DNAH9: variants seen among roughly 807,000 people sequenced by gnomAD.
DNAH9 encodes the protein DNAH9 variant protein.
DNAH9 carries 345 observed loss-of-function variants against 471.6 expected under a neutral mutation model. The observed-to-expected ratio is 0.73, with a 90% CI of 0.67 to 0.80. The LOEUF is 0.80. DNAH9 is among the 30% of genes least tolerant of loss of function. DNAH9 has a pLI of 0.00. For synonymous variants in DNAH9, 2,093 were observed against 2,123.6 expected (o/e 0.99, Z 0.40); for missense variants, 5,407 against 5,609.2 (o/e 0.96, Z 1.15).
In DNAH9 at chr17:11,793,584, T is replaced by G; in HGVS notation, c.8143T>G (p.Tyr2715Asp). 1 of 1,613,972 alleles carries G rather than the reference T, an allele frequency of 6.2e-7. No homozygotes were observed. The highest frequency in any genetic ancestry group is 1.1e-5 in the South Asian group (1 of 91,066). The change falls in exon 42 of 69, where the codon TAT becomes GAT. Residue 2715 changes from tyrosine to aspartate, a missense_variant. By Grantham distance (160) the Tyr-to-Asp change is radical (BLOSUM62 -3). Around this residue, in one of 3 missense-constraint regions of DNAH9, gnomAD observed 4,636 missense variants for 4,900.3 expected, o/e 0.95. Coordinates refer to ENST00000262442, the MANE Select transcript of DNAH9 (RefSeq NM_001372.4). The part of the protein sequence containing the change: ...RLYLHESNRV[Y>D]RDKMVEEKDF... ...CTATCTGCATGAATCAAATCGAGTT[T>G]ATCGGGATAAGATGGTAGAAGAAAA...
intron 67 of DNAH9, among the ~76,000 whole-genome samples, 174 bp downstream of exon 67, chr17:11,942,659 C>T (rs1233586569): frequency 6.6e-6 from 1 of 152,170 alleles, no homozygotes; most frequent in Non-Finnish European, 1.5e-5. Context: ...ATGAGGTTGT[C>T]TACAAGAACC....
chr17:11,611,924 C>A (rs1004570706), intron 4 of DNAH9, 144 bp downstream of exon 4: 2 of 761,718 alleles, frequency 2.6e-6, no homozygotes, highest in Non-Finnish European at 2.3e-6. Context: ...GGCAAGAATA[C>A]CACATCTAGA....
chr17:11,834,666 C>T lies in DNAH9; in HGVS notation c.9275C>T (p.Ala3092Val). ...QVDDLKAKLA[A>V]QEVELKQKNE... ...GATGATCTGAAAGCAAAGCTGGCTG[C>T]CCAGGAAGTAGAGCTGAAGCAGAAA... Residue 3092 changes from alanine to valine, a missense_variant, in exon 49 of 69, where the codon GCC becomes GTC. This residue lies in a region of DNAH9 where 4,636 missense variants were observed against 4,900.3 expected (regional missense o/e 0.95). Coordinates refer to ENST00000262442, the MANE Select transcript of DNAH9 (RefSeq NM_001372.4). 6 of 1,614,050 alleles carry T rather than the reference C, an allele frequency of 3.7e-6. No individual in the cohort carries two copies. Among genetic ancestry groups the T allele is most frequent in the Non-Finnish European group, 4.2e-6 (5 of 1,180,016 alleles).
rs545029678 is a variant in DNAH9 at position 11,880,965 on chromosome 17, C to A, written c.10602-244C>A. ...CATAATGTACTAATCTACATTGACA[C>A]AACAGGCATGGCTCTTCCTAGAGTT... On this transcript the variant is annotated intron_variant, in intron 54 of 68. Transcript: ENST00000262442. Among the ~76,000 whole-genome samples the A allele has an allele frequency of 6.6e-5, 10 of 152,256 alleles. 1 individual carries two copies. Among genetic ancestry groups the A allele is most frequent in the Admixed American group, 2.0e-4 (3 of 15,286 alleles).
intron 67 of DNAH9, among the ~76,000 whole-genome samples, chr17:11,959,734 C>T (rs941037691): frequency 5.9e-5 from 9 of 152,148 alleles, no homozygotes; most frequent in African/African-American, 1.9e-4. Context: ...TCCCATGGAG[C>T]CTTGATGTGG....
chr17:11,620,008 TA>T (rs2072822163), intron 6 of DNAH9: 9 of 529,928 alleles, frequency 1.7e-5, no homozygotes, highest in Non-Finnish European at 3.0e-5. Flanking sequence ...CCCAGGAGTT[TA>T]AAACCAGCCG....
chr17:11,956,878 A>C (rs1008891691), intron 67 of DNAH9, among the ~76,000 whole-genome samples: 12 of 152,028 alleles, frequency 7.9e-5, no homozygotes, highest in Non-Finnish European at 1.5e-4. Flanking sequence ...ACTAGGAAAA[A>C]AATGGCAAAA....
chr17:11,822,813 C>T lies in DNAH9; in HGVS notation c.9025C>T (p.Gln3009Ter). The change falls in exon 48 of 69, where the codon CAG becomes TAG. Residue 3009 changes from glutamine (Q) to a stop codon, truncating the protein, a stop_gained. Coordinates refer to ENST00000262442, the MANE Select transcript of DNAH9 (RefSeq NM_001372.4). LOFTEE classifies it high-confidence loss of function. ...TCTTTGGTTTTAGCCCACAGTAAAG[C>T]AGTCGATTAGCAAATTCATGGCCTT... ...NTEGIEPTVK[Q>*]SISKFMAFVH... 6.2e-7 allele frequency: 1 copy of T among 1,614,186 alleles called. No individual in the cohort carries two copies. The highest frequency in any genetic ancestry group is 8.5e-7 in the Non-Finnish European group (1 of 1,180,022).
chr17:11,677,034 A>G (rs2150737216), intron 17 of DNAH9, among the ~76,000 whole-genome samples: 1 of 152,204 alleles, frequency 6.6e-6, no homozygotes, highest in African/African-American at 2.4e-5. Flanking sequence ...GAAATTTGTT[A>G]AAGTTTGCCT....
intron 61 of DNAH9, 82 bp from the exon 62 acceptor site, chr17:11,923,732 G>C: frequency 6.4e-7 from 1 of 1,556,068 alleles, no homozygotes; most frequent in South Asian, 1.2e-5. Flanking sequence ...GGGGTGATCT[G>C]AGCGTGTGCA....
chr17:11,629,731 G>T, intron 7 of DNAH9, 147 bp downstream of exon 7: 1 of 655,404 alleles, frequency 1.5e-6, no homozygotes, highest in Non-Finnish European at 2.5e-6. Flanking sequence ...CTTTGTGTTA[G>T]GAGAAATTAT....
chr17:11,656,740 T>C (rs1597443203), intron 14 of DNAH9, among the ~76,000 whole-genome samples: 2 of 152,164 alleles, frequency 1.3e-5, no homozygotes, highest in South Asian at 4.1e-4. Flanking sequence ...TGTCCCTCTT[T>C]CCAGTCAATA....
intron 27 of DNAH9, among the ~76,000 whole-genome samples, chr17:11,720,885 T>C (rs1450809428): frequency 6.6e-6 from 1 of 152,212 alleles, no homozygotes; most frequent in Non-Finnish European, 1.5e-5. Context: ...AATGTTTCTC[T>C]TTAAGTCAGG....
chr17:11,885,731 T>G (rs1401799516), intron 56 of DNAH9, among the ~76,000 whole-genome samples: 3 of 152,246 alleles, frequency 2.0e-5, no homozygotes, highest in African/African-American at 7.2e-5. Context: ...TCAGTCATTC[T>G]CAGTTCATGA....
intron 68 of DNAH9, 40 bp from the exon 69 acceptor site, chr17:11,969,260 G>A: frequency 6.3e-7 from 1 of 1,581,156 alleles, no homozygotes; most frequent in Non-Finnish European, 8.7e-7. Context: ...CTGGGCTCTG[G>A]GTCTGATCTA....
chr17:11,800,553 C>T (rs545761559), intron 43 of DNAH9, among the ~76,000 whole-genome samples: 23 of 152,230 alleles, frequency 1.5e-4, no homozygotes, highest in East Asian at 7.7e-4. Flanking sequence ...CGCTCCTATC[C>T]GCAACGACAC....
At chr17:11,677,330 G>A (rs2074064596) in intron 17 of DNAH9, among the ~76,000 whole-genome samples, 1 of 151,888 alleles carries the variant, frequency 6.6e-6, no homozygotes, top group African/African-American at 2.4e-5. Flanking sequence ...TTATGTTATA[G>A]GCATACAGAT....
intron 38 of DNAH9, among the ~76,000 whole-genome samples, chr17:11,778,358 A>G (rs571459601): frequency 0.012 from 1,717 of 138,040 alleles, 61 homozygotes; most frequent in African/African-American, 0.046. Flanking sequence ...AAAAAAAAAA[A>G]AAAAGAAAAG....
chr17:11,796,710 A>G (rs1312370458), intron 42 of DNAH9, among the ~76,000 whole-genome samples: 4 of 152,152 alleles, frequency 2.6e-5, no homozygotes, highest in Non-Finnish European at 5.9e-5. Context: ...ATAACTTCCT[A>G]TTTGTGTCTT....
Sources: gnomAD v4.1 joint callset for allele counts (sites outside exome capture counted in the v4.1 genomes callset) on GRCh38, gnomAD v4.1.1 for gene constraint, gnomAD v4.1.1 regional missense constraint, MANE v1.5 for transcripts, NCBI Gene and HGNC (gene_info 2026-07-23, HGNC 2026-07-21) for gene names.